Variants in FGF13 observed in about 807,000 individuals in gnomAD.
FGF13 encodes the protein fibroblast growth factor 13, also known as fibroblast growth factor homologous factor 2.
FGF13 carries 2 observed loss-of-function variants against 19.5 expected under a neutral mutation model. The ratio of observed to expected loss-of-function variants is 0.10; its 90% confidence interval spans 0.04 to 0.32. The LOEUF (loss-of-function observed/expected upper bound fraction) is 0.32. Ranked by LOEUF, FGF13 falls within the 10% of genes least tolerant of loss-of-function variation. The pLI is 1.00. For missense variants in FGF13, 113 were observed against 192.7 expected, an observed-to-expected ratio of 0.59 and a Z score of 2.45; for synonymous variants, 72 against 76.9, an observed-to-expected ratio of 0.94 and a Z score of 0.33.
At chrX:139,192,983 T>C (rs1039027029) in intron 1 of FGF13, among the ~76,000 whole-genome samples, 28 of 111,981 alleles carry the variant, frequency 2.5e-4, no homozygotes, top group Admixed American at 2.1e-3. Flanking sequence ...TCTCAGTGTC[T>C]AAGAAAGCAG....
chrX:138,791,284 G>A (rs913934608), intron 3 of FGF13, among the ~76,000 whole-genome samples: 5 of 111,820 alleles, frequency 4.5e-5, no homozygotes, highest in African/African-American at 1.6e-4. Context: ...ACATTGTGGA[G>A]GGGGGTTCTA....
At chrX:138,987,411 T>C (rs1414486174) in intron 1 of FGF13, among the ~76,000 whole-genome samples, 29 of 111,865 alleles carry the variant, frequency 2.6e-4, no homozygotes, top group Admixed American at 1.0e-3. Context: ...AGCAGCAAAA[T>C]GGAAGGTGCA....
At chrX:138,924,507 C>T (rs1465359308) in intron 1 of FGF13, among the ~76,000 whole-genome samples, 2 of 111,885 alleles carry the variant, frequency 1.8e-5, no homozygotes, top group Non-Finnish European at 3.8e-5. Flanking sequence ...GCAGCAAGGA[C>T]ATATAGATAT....
Position 138,899,387 on chromosome X carries a change from T to C in FGF13, c.-112-34737A>G, listed in dbSNP as rs150818715. ...GCAGCATAGCACCCTGTCCAGACTATACCCTGCACTCATATCCCATGGGGC... is the reference window on the plus strand; with the variant it reads ...GCAGCATAGCACCCTGTCCAGACTACACCCTGCACTCATATCCCATGGGGC... On this transcript the variant is annotated intron_variant, in intron 1 of 2. Coordinates refer to the FGF13 transcript ENST00000421460. 5.6e-3 allele frequency among the ~76,000 whole-genome samples: 623 copies of C among 111,365 alleles called. 5 individuals carry two copies. Among genetic ancestry groups the C allele is most frequent in the African/African-American group, 0.018 (560 of 30,649 alleles).
intron 1 of FGF13, among the ~76,000 whole-genome samples, chrX:139,180,298 C>T (rs145556289): frequency 0.016 from 1,754 of 112,041 alleles, 7 homozygotes; most frequent in Non-Finnish European, 0.024. Context: ...AATGCAAATT[C>T]TTTGGGGGCA....
At chrX:138,932,703 A>AGTGTGTGTGTGT (rs57793547) in intron 1 of FGF13, among the ~76,000 whole-genome samples, 172 of 90,295 alleles carry the variant, frequency 1.9e-3, no homozygotes, top group East Asian at 6.6e-3. Flanking sequence ...TCAGGAGTGT[A>AGTGTGTGTGTGT]GTGTGTGTGT....
chrX:138,825,537 G>A (rs1042111296), intron 3 of FGF13, among the ~76,000 whole-genome samples: 3 of 110,955 alleles, frequency 2.7e-5, no homozygotes, highest in African/African-American at 9.8e-5. Context: ...TAAGCACACA[G>A]ACCCTCTGAA....
intron 1 of FGF13, among the ~76,000 whole-genome samples, chrX:139,191,748 G>A (rs191495576): frequency 0.013 from 1,433 of 111,008 alleles, 24 homozygotes; most frequent in African/African-American, 0.044. Flanking sequence ...TATGTCCAAG[G>A]AAAAGCGGAA....
At chrX:139,163,093 G>A (rs1393725510) in intron 1 of FGF13, among the ~76,000 whole-genome samples, 9 of 111,952 alleles carry the variant, frequency 8.0e-5, no homozygotes, top group African/African-American at 1.6e-4. Context: ...ACATGCACAC[G>A]TATGTTTATT....
At chrX:138,812,875 C>A (rs774649698) in intron 3 of FGF13, among the ~76,000 whole-genome samples, 1 of 110,431 alleles carries the variant, frequency 9.1e-6, no homozygotes, top group Non-Finnish European at 1.9e-5. Context: ...CAGGCCCTGG[C>A]GTGTATTGTT....
intron 3 of FGF13, among the ~76,000 whole-genome samples, chrX:138,793,019 C>T (rs185038576): frequency 2.7e-5 from 3 of 111,274 alleles, no homozygotes; most frequent in African/African-American, 9.8e-5. Flanking sequence ...AAAAGGAAGG[C>T]ATAGGAATAC....
chrX:138,640,229 G>T (rs1284614504), intron 3 of FGF13, among the ~76,000 whole-genome samples: 1 of 111,344 alleles, frequency 9.0e-6, no homozygotes, highest in Non-Finnish European at 1.9e-5. Flanking sequence ...ACATATTGGG[G>T]AATTGTTACA....
chrX:138,828,307 G>T (rs2091047452), intron 3 of FGF13, among the ~76,000 whole-genome samples: 1 of 110,347 alleles, frequency 9.1e-6, no homozygotes, highest in Non-Finnish European at 1.9e-5. Flanking sequence ...CGGTGGTCAC[G>T]CCTGTAATCC....
chrX:139,167,323 G>A (rs2084094816), intron 1 of FGF13, among the ~76,000 whole-genome samples: 1 of 111,344 alleles, frequency 9.0e-6, no homozygotes, highest in Non-Finnish European at 1.9e-5. Context: ...GAAAATGACA[G>A]GTTTAATTTA....
At chrX:138,859,004 T>G (rs1400985508) in intron 2 of FGF13, among the ~76,000 whole-genome samples, 1 of 112,262 alleles carries the variant, frequency 8.9e-6, no homozygotes, top group Non-Finnish European at 1.9e-5. Context: ...CTCATTAAAT[T>G]ATGCAAGATG....
At chrX:138,935,757 T>C (rs112646640) in intron 1 of FGF13, among the ~76,000 whole-genome samples, 3,266 of 111,986 alleles carry the variant, frequency 0.029, 134 homozygotes, top group African/African-American at 0.1. Flanking sequence ...CCTCATGCTA[T>C]ACTTTTTAAG....
At chrX:138,910,944 T>C (rs17001838) in intron 1 of FGF13, among the ~76,000 whole-genome samples, 2,418 of 110,911 alleles carry the variant, frequency 0.022, 75 homozygotes, top group African/African-American at 0.073. Context: ...TATGTCAGTA[T>C]CCCAGTGCAG....
chrX:138,919,964 T>C (rs1027181353), intron 1 of FGF13, among the ~76,000 whole-genome samples: 2 of 111,318 alleles, frequency 1.8e-5, no homozygotes, highest in Non-Finnish European at 3.8e-5. Context: ...GGGAATGTTG[T>C]ATAGGACTTT....
intron 3 of FGF13, among the ~76,000 whole-genome samples, chrX:138,637,117 T>G (rs2089193280): frequency 8.9e-6 from 1 of 111,786 alleles, no homozygotes; most frequent in Non-Finnish European, 1.9e-5. Flanking sequence ...AGGGGCACAC[T>G]CGATAGATGT....
Sources: gnomAD v4.1 joint callset for allele counts (sites outside exome capture counted in the v4.1 genomes callset) on GRCh38, gnomAD v4.1.1 for gene constraint, MANE v1.5 for transcripts, NCBI Gene and HGNC (gene_info 2026-07-23, HGNC 2026-07-21) for gene names.